The following VPS36 variants were observed in gnomAD, a reference collection of about 807,000 sequenced individuals.
VPS36 encodes vacuolar protein-sorting-associated protein 36.
In VPS36, 31 loss-of-function variants were observed where a neutral mutation model predicts 63.5. The ratio of observed to expected loss-of-function variants is 0.49; its 90% CI spans 0.37 to 0.66. VPS36 has a LOEUF of 0.66. VPS36 is among the 30% of genes least tolerant of loss of function. The pLI, the probability that VPS36 is intolerant of heterozygous loss-of-function variation, is 0.00. For synonymous variants in VPS36, 138 were observed against 157.2 expected (o/e 0.88, Z 0.91); for missense variants, 338 against 463.7 (o/e 0.73, Z 2.49).
intron 12 of VPS36, chr13:52,416,426 C>T (rs554973290): frequency 3.3e-5 from 7 of 214,320 alleles, no homozygotes; most frequent in East Asian, 2.4e-4. Flanking sequence ...TACATATTAA[C>T]GCTCCAGCGA....
chr13:52,438,023 T>A (rs1423556024), intron 3 of VPS36, among the ~76,000 whole-genome samples: 1 of 152,102 alleles, frequency 6.6e-6, no homozygotes, highest in Non-Finnish European at 1.5e-5. Context: ...TATAACTGTT[T>A]GAGGGGAGGG....
chr13:52,443,350 T>C (rs1167244625), intron 1 of VPS36, among the ~76,000 whole-genome samples: 1 of 152,164 alleles, frequency 6.6e-6, no homozygotes, highest in African/African-American at 2.4e-5. Context: ...GCGATGGTAT[T>C]TGGCAATGGA....
chr13:52,423,733 A>T (rs939804037), intron 9 of VPS36, 94 bp from the exon 10 acceptor site: 1 of 1,204,098 alleles, frequency 8.3e-7, no homozygotes, highest in Non-Finnish European at 1.2e-6. Context: ...GAAATCAGAA[A>T]TCAGAAAAAT....
chr13:52,415,514 A>T lies in VPS36; in HGVS notation c.*316T>A, dbSNP rs116436227. The T allele has an allele frequency of 6.5e-3, 1,397 of 214,366 alleles. 6 individuals are homozygous for T. The highest frequency in any genetic ancestry group is 0.017 in the African/African-American group (726 of 43,074). 13.3% of individuals were successfully genotyped at this position (214,366 alleles called of 1,614,324 possible). On this transcript the variant is annotated 3_prime_UTR_variant, in exon 14 of 14. Coordinates refer to ENST00000378060, the MANE Select transcript of VPS36 (RefSeq NM_016075.4). ...AACTTCTCTTTTTATTCTCTGCAAAACTAAATTCCCTTCTTTATAAAATGA... is the reference window on the plus strand; with the variant it reads ...AACTTCTCTTTTTATTCTCTGCAAATCTAAATTCCCTTCTTTATAAAATGA...
chr13:52,443,701 T>C (rs552108639), intron 1 of VPS36, among the ~76,000 whole-genome samples: 1 of 152,310 alleles, frequency 6.6e-6, no homozygotes, highest in Admixed American at 6.5e-5. Flanking sequence ...CTATTCAAAA[T>C]ATAAATTTTT....
intron 6 of VPS36, among the ~76,000 whole-genome samples, chr13:52,427,963 A>G (rs1958120619): frequency 6.6e-6 from 1 of 152,210 alleles, no homozygotes; most frequent in South Asian, 2.1e-4. Flanking sequence ...AGCTGCAGGA[A>G]TAGTTCTCTG....
In VPS36 at chr13:52,414,215, C is replaced by T. The variant is rs9536067; in HGVS notation, c.*1615G>A. ...GTGTGTGTGTACAAGTTTGCCAGAG[C>T]AGTGTGAGACAGTAAGTACCAACCA... is the stretch of plus-strand genomic sequence containing the variant. On this transcript the variant is annotated 3_prime_UTR_variant, in exon 14 of 14. Coordinates refer to ENST00000378060, the MANE Select transcript of VPS36 (RefSeq NM_016075.4). The T allele has an allele frequency of 0.038, 5,781 of 152,128 alleles. 133 individuals carry two copies. The highest frequency in any genetic ancestry group is 0.07 in the South Asian group (335 of 4,814). The allele number at this position is 152,128 out of a possible 1,614,324, so 9.4% of individuals were successfully genotyped here. A position where few individuals can be genotyped will look rare whatever the true frequency, so the allele number is the denominator to read the frequency against.
At chr13:52,417,180 C>A (rs1387857879) in intron 11 of VPS36, 39 bp from the exon 12 acceptor site, 2 of 1,574,516 alleles carry the variant, frequency 1.3e-6, no homozygotes, top group Non-Finnish European at 1.7e-6. Context: ...CAGGAATTAT[C>A]TAGGATATTC....
At chr13:52,419,669 G>A (rs1471151281) in intron 10 of VPS36, among the ~76,000 whole-genome samples, 1 of 152,162 alleles carries the variant, frequency 6.6e-6, no homozygotes, top group East Asian at 1.9e-4. Context: ...AAGGAAAGGA[G>A]TGTATCAAAG....
intron 6 of VPS36, among the ~76,000 whole-genome samples, chr13:52,428,339 C>G (rs1451127518): frequency 6.6e-6 from 1 of 152,176 alleles, no homozygotes; most frequent in Non-Finnish European, 1.5e-5. Context: ...AAATATCAGT[C>G]CATATGGTGG....
Position 52,420,248 on chromosome 13 carries a change from A to G in VPS36, c.841-2192T>C, listed in dbSNP as rs76127991. Among the ~76,000 whole-genome samples the G allele has an allele frequency of 2.3e-4, 35 of 151,956 alleles. No individual in the cohort carries two copies. In the East Asian group the frequency reaches 4.5e-3, roughly 19 times the overall value. ...CAAAAGTTAAGACTGTCTCAAAAAA[A>G]AAAAGGGGGGGAATAAGATATAGCA... On this transcript the variant is annotated intron_variant, in intron 10 of 13. Transcript: ENST00000378060.
At chr13:52,421,364 G>A (rs948952072) in intron 10 of VPS36, among the ~76,000 whole-genome samples, 27 of 152,196 alleles carry the variant, frequency 1.8e-4, no homozygotes, top group African/African-American at 6.3e-4. Flanking sequence ...ACCAGAGGCT[G>A]GGGAGGGTAG....
At chr13:52,431,243 T>C (rs1032270353) in intron 6 of VPS36, among the ~76,000 whole-genome samples, 1 of 152,178 alleles carries the variant, frequency 6.6e-6, no homozygotes, top group Admixed American at 6.5e-5. Flanking sequence ...GTACAAAGAA[T>C]GGGGAAAACA....
intron 2 of VPS36, among the ~76,000 whole-genome samples, chr13:52,439,746 A>G (rs1958255874): frequency 6.6e-6 from 1 of 152,050 alleles, no homozygotes; most frequent in Non-Finnish European, 1.5e-5. Context: ...GCACCCAGCC[A>G]CAATGGGTGC....
chr13:52,440,686 T>C (rs1374479752), intron 2 of VPS36, among the ~76,000 whole-genome samples: 1 of 152,222 alleles, frequency 6.6e-6, no homozygotes, highest in African/African-American at 2.4e-5. Flanking sequence ...CCTCTTTATA[T>C]GATAATCAAA....
At chr13:52,442,577 CAAATT>C (rs1450479369) in intron 1 of VPS36, 132 bp from the exon 2 acceptor site, 1 of 729,722 alleles carries the variant, frequency 1.4e-6, no homozygotes, top group Non-Finnish European at 2.2e-6. Flanking sequence ...AGGCTTATCA[CAAATT>C]AAAGAGAACC....
chr13:52,418,099 G>A, intron 10 of VPS36, 43 bp from the exon 11 acceptor site: 1 of 1,506,620 alleles, frequency 6.6e-7, no homozygotes, highest in Non-Finnish European at 9.2e-7. Context: ...CAATGGTAAT[G>A]ATCACTAAAA....
rs1472503221 is a variant in VPS36 at position 52,417,155 on chromosome 13, G to A, written c.906-14C>T. 2 of 1,612,748 alleles carry A rather than the reference G, an allele frequency of 1.2e-6. No homozygotes were observed. Among genetic ancestry groups the A allele is most frequent in the Admixed American group, 3.3e-5 (2 of 59,908 alleles). On this transcript the variant is annotated splice_polypyrimidine_tract_variant and intron_variant, in intron 11 of 13. Transcript: ENST00000378060. ...AACACACGGAGCCTGAAAACCACAG[G>A]TGCGAGAACAAAGCCAGGAATTATC... is the stretch of plus-strand genomic sequence containing the variant.
intron 2 of VPS36, 69 bp from the exon 3 acceptor site, chr13:52,439,237 G>T: frequency 7.2e-7 from 1 of 1,386,128 alleles, no homozygotes; most frequent in Non-Finnish European, 1.0e-6. Context: ...AGAAATCCTT[G>T]TTTTATAGCA....
Sources: gnomAD v4.1 joint callset for allele counts (sites outside exome capture counted in the v4.1 genomes callset) on GRCh38, gnomAD v4.1.1 for gene constraint, MANE v1.5 for transcripts, NCBI Gene and HGNC (gene_info 2026-07-23, HGNC 2026-07-21) for gene names.